ATXN7: variants seen among roughly 807,000 people sequenced by gnomAD.
ATXN7 encodes the protein ataxin 7.
Under a neutral mutation model 70.5 loss-of-function variants are expected in ATXN7, and 12 were observed. The observed-to-expected ratio is 0.17, with a 90% CI of 0.11 to 0.28. The LOEUF (loss-of-function observed/expected upper bound fraction) is 0.28, where lower values mean the gene tolerates loss of function less well. ATXN7 is among the 10% of genes least tolerant of loss of function. ATXN7 has a pLI of 1.00. For synonymous variants in ATXN7, 498 were observed against 448.7 expected, an observed-to-expected ratio of 1.11 and a Z score of -1.39; for missense variants, 1,256 against 1,131.7, an observed-to-expected ratio of 1.11 and a Z score of -1.58.
chr3:63,926,907 C>T (rs1015333546), intron 4 of ATXN7, among the ~76,000 whole-genome samples: 3 of 152,118 alleles, frequency 2.0e-5, no homozygotes, highest in African/African-American at 7.2e-5. Context: ...TGGGTGAGAA[C>T]ATGCGGTGTT....
At chr3:63,957,270 CTG>C (rs3841968) in intron 5 of ATXN7, among the ~76,000 whole-genome samples, 25,729 of 152,082 alleles carry the variant, frequency 0.17, 2,656 homozygotes, top group East Asian at 0.39. Flanking sequence ...TTTAGAATCT[CTG>C]TGATTAATTG....
At chr3:63,978,543 T>A (rs1236220737) in intron 5 of ATXN7, among the ~76,000 whole-genome samples, 1 of 152,232 alleles carries the variant, frequency 6.6e-6, no homozygotes, top group Non-Finnish European at 1.5e-5. Flanking sequence ...GATGCCAAAT[T>A]TGGAAAACTG....
chr3:63,912,366 G>A (rs2107294835), intron 2 of ATXN7, among the ~76,000 whole-genome samples: 1 of 151,684 alleles, frequency 6.6e-6, no homozygotes, highest in South Asian at 2.1e-4. Flanking sequence ...CCCTCGGGCG[G>A]CCGCGGGAGT....
chr3:63,996,538 CTT>C (rs948515655), intron 12 of ATXN7, 55 bp downstream of exon 12: 8 of 1,447,668 alleles, frequency 5.5e-6, no homozygotes, highest in Admixed American at 4.1e-5. Context: ...CCCTTAAGAT[CTT>C]TTGTCAGCTC....
chr3:63,990,608 C>A, intron 10 of ATXN7, 130 bp from the exon 11 acceptor site: 1 of 1,442,228 alleles, frequency 6.9e-7, no homozygotes, highest in Non-Finnish European at 9.6e-7. Context: ...CACTCTCATG[C>A]TTCACAGCCT....
At position 63,979,907 on chromosome 3, in the gene ATXN7, G is replaced by A. The variant is rs56015875; in HGVS notation, c.500-8G>A. On this transcript the variant is annotated splice_region_variant and splice_polypyrimidine_tract_variant and intron_variant, in intron 5 of 12. Coordinates refer to ENST00000674280, the MANE Select transcript of ATXN7 (RefSeq NM_001377405.1). ...ATGATGTCTTTTTTTCTTTGCTTTC[G>A]TTTTCAGAAAGAAGACATAGCTCAT... is the stretch of plus-strand genomic sequence containing the variant. 12,313 of 1,611,046 alleles carry A rather than the reference G, an allele frequency of 7.6e-3. 70 individuals carry two copies. Among genetic ancestry groups the A allele is most frequent in the Non-Finnish European group, 9.3e-3 (10,920 of 1,178,398 alleles).
At chr3:63,960,769 T>A (rs577728972) in intron 5 of ATXN7, among the ~76,000 whole-genome samples, 6 of 152,258 alleles carry the variant, frequency 3.9e-5, no homozygotes, top group African/African-American at 1.4e-4. Flanking sequence ...ATAAAAAGTG[T>A]TGATGTATTA....
intron 2 of ATXN7, among the ~76,000 whole-genome samples, chr3:63,911,152 C>T (rs1704001601): frequency 6.6e-6 from 1 of 152,146 alleles, no homozygotes; most frequent in African/African-American, 2.4e-5. Context: ...ATGCGTGAAA[C>T]ATGCTGATAA....
chr3:63,944,095 G>A (rs2074815747), intron 4 of ATXN7, among the ~76,000 whole-genome samples: 1 of 152,168 alleles, frequency 6.6e-6, no homozygotes, highest in Non-Finnish European at 1.5e-5. Context: ...AGGAGCACAA[G>A]ACCACTTGAG....
intron 2 of ATXN7, chr3:63,902,016 A>G (rs1391260186): frequency 6.6e-6 from 1 of 152,140 alleles, no homozygotes; most frequent in Non-Finnish European, 1.5e-5. Context: ...TGATGAATAC[A>G]GGGTTTCCTT....
At chr3:63,988,498 T>G (rs2075615034) in intron 9 of ATXN7, 174 bp downstream of exon 9, 3 of 860,786 alleles carry the variant, frequency 3.5e-6, no homozygotes, top group Admixed American at 6.2e-5. Flanking sequence ...TCAGTAAGTT[T>G]CAACCAGGGC....
intron 5 of ATXN7, among the ~76,000 whole-genome samples, chr3:63,972,978 G>A (rs1401870267): frequency 2.0e-5 from 3 of 152,172 alleles, no homozygotes; most frequent in Non-Finnish European, 4.4e-5. Context: ...CTTATGTGCT[G>A]ATGTGTTCCC....
In ATXN7 at chr3:63,912,509, C is replaced by T. The variant is rs1033834341; in HGVS notation, c.-11-79C>T. On this transcript the variant is annotated intron_variant, in intron 2 of 12. Coordinates refer to ENST00000674280, the MANE Select transcript of ATXN7 (RefSeq NM_001377405.1). The stretch of plus-strand genomic sequence containing the variant: ...CCCCACCCGGTCCGCGGGCCGCGCA[C>T]GCCGCCGGAACTCCCTGGCGCCTCC... 10 of 950,264 alleles carry T rather than the reference C, an allele frequency of 1.1e-5. No homozygotes were observed. The African/African-American group carries it at 1.3e-4, about 12-fold the overall frequency. The allele number at this position is 950,264 out of a possible 1,614,324, so 58.9% of individuals were successfully genotyped here.
intron 4 of ATXN7, among the ~76,000 whole-genome samples, chr3:63,919,274 T>A (rs1704412687): frequency 6.6e-6 from 1 of 152,172 alleles, no homozygotes; most frequent in African/African-American, 2.4e-5. Context: ...CAGAGTTGAC[T>A]ACACACAACA....
chr3:63,874,173 C>T (rs936201599), intron 1 of ATXN7, among the ~76,000 whole-genome samples: 1 of 152,206 alleles, frequency 6.6e-6, no homozygotes, highest in Non-Finnish European at 1.5e-5. Flanking sequence ...AGCATATAGA[C>T]TCTAACCATT....
chr3:63,899,817 C>T (rs1703567031), intron 2 of ATXN7, among the ~76,000 whole-genome samples: 1 of 152,036 alleles, frequency 6.6e-6, no homozygotes, highest in Admixed American at 6.5e-5. Flanking sequence ...CGGGGTTTCG[C>T]CGTGTTAGCC....
chr3:63,990,484 A>C, intron 10 of ATXN7, 110 bp downstream of exon 10: 1 of 1,377,290 alleles, frequency 7.3e-7, no homozygotes, highest in South Asian at 1.3e-5. Flanking sequence ...GGACGCGGTC[A>C]AGGTGTGAGA....
intron 4 of ATXN7, among the ~76,000 whole-genome samples, chr3:63,924,880 G>T (rs1390463444): frequency 6.6e-6 from 1 of 151,930 alleles, no homozygotes; most frequent in Non-Finnish European, 1.5e-5. Flanking sequence ...GGAATGATGA[G>T]GAGGTTTGTT....
At chr3:63,916,696 T>C (rs1336188876) in intron 4 of ATXN7, among the ~76,000 whole-genome samples, 2 of 152,176 alleles carry the variant, frequency 1.3e-5, no homozygotes, top group African/African-American at 2.4e-5. Context: ...GGGAAATTAT[T>C]TGTGGTTTAG....
Sources: allele counts gnomAD v4.1 joint callset (sites outside exome capture counted in the v4.1 genomes callset), GRCh38; gene constraint gnomAD v4.1.1; transcripts MANE v1.5; gene names NCBI Gene and HGNC (gene_info 2026-07-23, HGNC 2026-07-21).